LYRM7: variants seen among roughly 807,000 people sequenced by gnomAD.
LYRM7 encodes the protein LYR motif containing 7.
In LYRM7, 9 loss-of-function variants were observed where a neutral mutation model predicts 15.8. The observed-to-expected ratio is 0.57, with a 90% CI of 0.34 to 0.99. The LOEUF is 0.99. LYRM7 is among the 50% of genes least tolerant of loss of function. LYRM7 has a pLI of 0.02. For missense variants in LYRM7, 115 were observed against 119.1 expected (o/e 0.97, Z 0.16); for synonymous variants, 39 against 39.4 (o/e 0.99, Z 0.04).
intron 1 of LYRM7, among the ~76,000 whole-genome samples, chr5:131,178,467 G>A (rs926821947): frequency 3.9e-5 from 6 of 152,140 alleles, no homozygotes; most frequent in Non-Finnish European, 7.4e-5. Context: ...ATAGAGAAGA[G>A]TGGAGGAAGA....
chr5:131,189,016 G>A (rs182662187), intron 4 of LYRM7, among the ~76,000 whole-genome samples: 41 of 151,838 alleles, frequency 2.7e-4, no homozygotes, highest in African/African-American at 9.2e-4. Context: ...GCATGGTGGC[G>A]CATGCCTGTA....
intron 4 of LYRM7, among the ~76,000 whole-genome samples, chr5:131,196,356 G>A (rs1467748891): frequency 6.6e-6 from 1 of 151,722 alleles, no homozygotes; most frequent in Non-Finnish European, 1.5e-5. Context: ...TTGTGTTCAG[G>A]GTGCAATGTA....
intron 2 of LYRM7, among the ~76,000 whole-genome samples, chr5:131,181,966 A>G (rs964010308): frequency 1.3e-5 from 2 of 152,216 alleles, no homozygotes; most frequent in African/African-American, 4.8e-5. Context: ...TAGGTATACA[A>G]ATGAATTTGA....
chr5:131,203,902 TAAG>T lies in LYRM7; in HGVS notation c.*4304_*4306del, dbSNP rs955336373. ...TGGAAAGATAGGCAAATGATACAAA[TAAG>T]AAATTCACAAAAGAAGAAATACTAA... is the stretch of plus-strand genomic sequence containing the variant. On this transcript the variant is annotated 3_prime_UTR_variant, in exon 5 of 5. Transcript: ENST00000379380. 30 of 152,188 alleles carry T rather than the reference TAAG, an allele frequency of 2.0e-4. No individual in the cohort carries two copies. Among genetic ancestry groups the T allele is most frequent in the African/African-American group, 6.8e-4 (28 of 41,408 alleles). The allele number at this position is 152,188 out of a possible 1,614,324, so 9.4% of individuals were successfully genotyped here.
chr5:131,197,529 G>C (rs1241958854), intron 4 of LYRM7, among the ~76,000 whole-genome samples: 1 of 123,632 alleles, frequency 8.1e-6, no homozygotes, highest in Non-Finnish European at 1.7e-5. Context: ...TTGTTTTAGT[G>C]TTGTCTTCTG....
intron 1 of LYRM7, among the ~76,000 whole-genome samples, chr5:131,172,946 A>C (rs1435834246): frequency 6.6e-6 from 1 of 152,226 alleles, no homozygotes; most frequent in Non-Finnish European, 1.5e-5. Flanking sequence ...TTTTAATAAA[A>C]GTTTATCTGC....
At chr5:131,175,425 C>G (rs984354269) in intron 1 of LYRM7, among the ~76,000 whole-genome samples, 1 of 151,976 alleles carries the variant, frequency 6.6e-6, no homozygotes, top group Non-Finnish European at 1.5e-5. Flanking sequence ...TCTCAAACTC[C>G]TGACCTCAGG....
rs1231408420 is a variant in LYRM7, at chr5:131,200,492, T to C, written c.*891T>C. ...TAACACTAGGAACTGTAAAATACTGTTTAATATTCTTCTTGTTTCTCTTTT... is the reference window on the plus strand; with the variant it reads ...TAACACTAGGAACTGTAAAATACTGCTTAATATTCTTCTTGTTTCTCTTTT... On this transcript the variant is annotated 3_prime_UTR_variant, in exon 5 of 5. Transcript: ENST00000379380. 6.6e-6 allele frequency: 1 copy of C among 152,354 alleles called. No individual in the cohort carries two copies. 9.4% of individuals were successfully genotyped at this position (152,354 alleles called of 1,614,324 possible).
At chr5:131,195,397 A>G (rs781780258) in intron 4 of LYRM7, among the ~76,000 whole-genome samples, 1 of 152,216 alleles carries the variant, frequency 6.6e-6, no homozygotes, top group African/African-American at 2.4e-5. Context: ...TACAGCCTAG[A>G]GTCTAATTGA....
intron 4 of LYRM7, among the ~76,000 whole-genome samples, chr5:131,198,678 T>C (rs1756010422): frequency 6.6e-6 from 1 of 151,848 alleles, no homozygotes; most frequent in South Asian, 2.1e-4. Flanking sequence ...GCGATTCTTG[T>C]GCCTCATTCT....
At chr5:131,196,931 C>T (rs1194387801) in intron 4 of LYRM7, among the ~76,000 whole-genome samples, 3 of 152,166 alleles carry the variant, frequency 2.0e-5, no homozygotes. Flanking sequence ...GCTGTGATTA[C>T]AAGCATGAGC....
intron 4 of LYRM7, among the ~76,000 whole-genome samples, 162 bp from the exon 5 acceptor site, chr5:131,199,369 C>T (rs908244838): frequency 3.9e-5 from 6 of 152,094 alleles, no homozygotes; most frequent in African/African-American, 1.4e-4. Context: ...TAATTAGAGT[C>T]AAGGATGCCA....
chr5:131,180,930 AC>A (rs1438245520), intron 2 of LYRM7, among the ~76,000 whole-genome samples: 16 of 152,112 alleles, frequency 1.1e-4, no homozygotes, highest in African/African-American at 3.9e-4. Flanking sequence ...TAAAAGGTGG[AC>A]CTGGGATTTA....
In LYRM7 at chr5:131,181,396, AT is replaced by A. The variant is rs1203263124; in HGVS notation, c.92-831del. ...ATGTATATATAATATATACATATATATTATATATACATATATATGTTTATAT... is the reference window on the plus strand; with the variant it reads ...ATGTATATATAATATATACATATATATATATATACATATATATGTTTATAT... On this transcript the variant is annotated intron_variant, in intron 2 of 4. Coordinates refer to ENST00000379380, the MANE Select transcript of LYRM7 (RefSeq NM_181705.4). Among the ~76,000 whole-genome samples, 179 of 90,792 alleles carry A rather than the reference AT, an allele frequency of 2.0e-3. 1 individual carries two copies. Among genetic ancestry groups the A allele is most frequent in the Non-Finnish European group, 2.6e-3 (146 of 55,382 alleles). The allele number at this position is 90,792 out of a possible 152,430, so 59.6% of individuals were successfully genotyped here. A position where few individuals can be genotyped will look rare whatever the true frequency, so the allele number is the denominator to read the frequency against.
intron 4 of LYRM7, among the ~76,000 whole-genome samples, chr5:131,191,072 T>C (rs1755878814): frequency 6.6e-6 from 1 of 152,046 alleles, no homozygotes; most frequent in Non-Finnish European, 1.5e-5. Context: ...ATGTATACTT[T>C]AATTTTCCCA....
intron 4 of LYRM7, among the ~76,000 whole-genome samples, chr5:131,190,824 A>G (rs1356617540): frequency 6.6e-6 from 1 of 152,162 alleles, no homozygotes; most frequent in Non-Finnish European, 1.5e-5. Context: ...CAGAAAACAT[A>G]GTTAATCCTA....
chr5:131,181,302 A>AATATATATATATATATAT (rs1561544194), intron 2 of LYRM7, among the ~76,000 whole-genome samples: 167 of 8,754 alleles, frequency 0.019, 9 homozygotes, highest in Non-Finnish European at 0.036. Context: ...AAAAAAAAAA[A>AATATATATATATATATAT]ATATATATAT....
intron 4 of LYRM7, among the ~76,000 whole-genome samples, chr5:131,197,541 CTTTTTTTTTTTTT>C (rs60003952): frequency 1.1e-5 from 1 of 90,748 alleles, no homozygotes; most frequent in South Asian, 4.5e-4. Flanking sequence ...TGTCTTCTGT[CTTTTTTTTTTTTT>C]TTTTTTTTTG....
chr5:131,195,263 GT>G (rs1375602889), intron 4 of LYRM7, among the ~76,000 whole-genome samples: 1 of 151,948 alleles, frequency 6.6e-6, no homozygotes, highest in Non-Finnish European at 1.5e-5. Flanking sequence ...ACAGAGCAAG[GT>G]TCTGTCTCAA....
Sources: gnomAD v4.1 joint callset for allele counts (sites outside exome capture counted in the v4.1 genomes callset) on GRCh38, gnomAD v4.1.1 for gene constraint, MANE v1.5 for transcripts, NCBI Gene and HGNC (gene_info 2026-07-23, HGNC 2026-07-21) for gene names.